Variants in SP3 observed in about 807,000 individuals in gnomAD.
SP3 encodes the protein Sp3 transcription factor, also known as transcription factor Sp3.
SP3 carries 10 observed loss-of-function variants against 70.3 expected under a neutral mutation model. The observed-to-expected ratio is 0.14, with a 90% confidence interval of 0.09 to 0.24. The LOEUF is 0.24. Ranked by LOEUF, SP3 falls within the 10% of genes least tolerant of loss-of-function variation. The pLI is 1.00. For missense variants in SP3, 825 were observed against 914.6 expected, an observed-to-expected ratio of 0.90 and a Z score of 1.26; for synonymous variants, 402 against 333.5, an observed-to-expected ratio of 1.21 and a Z score of -2.24.
chr2:173,963,164 C>A (rs1691140886), intron 3 of SP3: 1 of 148,402 alleles, frequency 6.7e-6, no homozygotes, highest in South Asian at 2.1e-4. Context: ...GTTTCATTTA[C>A]CCCCCTTACA....
intron 3 of SP3, among the ~76,000 whole-genome samples, chr2:173,957,035 A>C (rs182273720): frequency 1.8e-4 from 28 of 152,348 alleles, no homozygotes; most frequent in African/African-American, 6.5e-4. Flanking sequence ...CATAAAAATC[A>C]GTTGAGACAT....
chr2:173,913,680 T>TA (rs1406859556), intron 5 of SP3: 1 of 152,592 alleles, frequency 6.6e-6, no homozygotes, highest in Non-Finnish European at 1.5e-5. Flanking sequence ...AAAATATATT[T>TA]AAACCAAAGA....
intron 3 of SP3, among the ~76,000 whole-genome samples, chr2:173,959,776 A>G (rs2105504248): frequency 6.6e-6 from 1 of 152,360 alleles, no homozygotes; most frequent in East Asian, 1.9e-4. Context: ...ATAAAAATAA[A>G]AAAAATTAAA....
chr2:173,914,712 T>C (rs1689579693), intron 5 of SP3: 1 of 152,110 alleles, frequency 6.6e-6, no homozygotes, highest in South Asian at 2.1e-4. Context: ...CTAACACAAT[T>C]CTAGTTTCTG....
intron 4 of SP3, among the ~76,000 whole-genome samples, chr2:173,944,384 G>T (rs1400744953): frequency 6.6e-6 from 1 of 152,000 alleles, no homozygotes; most frequent in Non-Finnish European, 1.5e-5. Flanking sequence ...AAATACACAA[G>T]ATTAGCCAGG....
In SP3 at chr2:173,905,737, G is replaced by A. The variant is rs754725051; in HGVS notation, c.*4204C>T. Among the ~76,000 whole-genome samples, 3 of 151,810 alleles carry A rather than the reference G, an allele frequency of 2.0e-5. No homozygotes were observed. The highest frequency in any genetic ancestry group is 4.8e-5 in the African/African-American group (2 of 41,328). On this transcript the variant is annotated 3_prime_UTR_variant, in exon 7 of 7. Transcript: ENST00000310015. The stretch of plus-strand genomic sequence containing the variant: ...GATTTGGCCAAGCGTGGTGGCTCAC[G>A]CCTATAATCCCAACACTTTGGGAGG...
intron 3 of SP3, chr2:173,962,949 G>A (rs1478222899): frequency 6.6e-6 from 1 of 152,106 alleles, no homozygotes; most frequent in Non-Finnish European, 1.5e-5. Flanking sequence ...AAACACTACA[G>A]AAAGAATCCC....
intron 4 of SP3, among the ~76,000 whole-genome samples, chr2:173,927,292 T>TA (rs1689943401): frequency 1.3e-5 from 2 of 149,626 alleles, no homozygotes; most frequent in Non-Finnish European, 3.0e-5. Context: ...TTTTTTTTTT[T>TA]AAGACAGGGT....
At chr2:173,960,930 C>G (rs573756373) in intron 3 of SP3, among the ~76,000 whole-genome samples, 1 of 152,190 alleles carries the variant, frequency 6.6e-6, no homozygotes, top group South Asian at 2.1e-4. Flanking sequence ...GAGCCGAGAT[C>G]GCGCCACTGC....
At chr2:173,919,450 G>C (rs1198519804) in intron 4 of SP3, among the ~76,000 whole-genome samples, 1 of 151,990 alleles carries the variant, frequency 6.6e-6, no homozygotes, top group Admixed American at 6.6e-5. Flanking sequence ...CATCTTCCTT[G>C]GTATCTCAGT....
In SP3 at chr2:173,955,648, T is replaced by C; in HGVS notation, c.864A>G (p.Ala288=). Reference sequence around the variant, plus strand: ...TCAAATGTCCGTCGGCATTAATGCCTGCAGTCATTGTCTGAGAACTGCCCG... The same window carrying C: ...TCAAATGTCCGTCGGCATTAATGCCCGCAGTCATTGTCTGAGAACTGCCCG... ...GLSGSSQTMT[A]GINADGHLIN... The change falls in exon 4 of 7, where the codon GCA becomes GCG. Residue 288 remains alanine (A), a synonymous_variant. Coordinates refer to ENST00000310015, the MANE Select transcript of SP3 (RefSeq NM_003111.5). 1 of 1,614,222 alleles carries C rather than the reference T, an allele frequency of 6.2e-7. No homozygotes were observed. Among genetic ancestry groups the C allele is most frequent in the Non-Finnish European group, 8.5e-7 (1 of 1,180,026 alleles).
chr2:173,912,907 G>T (rs73028219), intron 6 of SP3, among the ~76,000 whole-genome samples, 163 bp downstream of exon 6: 5,442 of 152,178 alleles, frequency 0.036, 165 homozygotes, highest in Admixed American at 0.1. Flanking sequence ...TTGTTCTTTG[G>T]AATTTGTGTT....
intron 4 of SP3, among the ~76,000 whole-genome samples, chr2:173,919,143 TCTC>T (rs1383137275): frequency 1.3e-5 from 2 of 152,202 alleles, no homozygotes; most frequent in African/African-American, 4.8e-5. Flanking sequence ...GGAAAAACTT[TCTC>T]CTCTACTTTT....
intron 4 of SP3, among the ~76,000 whole-genome samples, chr2:173,943,795 T>C (rs568352330): frequency 2.0e-5 from 3 of 152,242 alleles, no homozygotes; most frequent in African/African-American, 7.2e-5. Flanking sequence ...TGTCACTTAA[T>C]GACTGGGATA....
At chr2:173,961,283 T>C (rs1574428775) in intron 3 of SP3, among the ~76,000 whole-genome samples, 1 of 152,236 alleles carries the variant, frequency 6.6e-6, no homozygotes, top group Admixed American at 6.5e-5. Flanking sequence ...GATCCTCTTT[T>C]ATGACAAATT....
intron 4 of SP3, among the ~76,000 whole-genome samples, chr2:173,935,850 T>C (rs1214510413): frequency 6.6e-6 from 1 of 150,408 alleles, no homozygotes; most frequent in Non-Finnish European, 1.5e-5. Flanking sequence ...GATATAACTT[T>C]AAAACAACGG....
intron 4 of SP3, among the ~76,000 whole-genome samples, chr2:173,953,065 T>A (rs534329557): frequency 6.6e-6 from 1 of 152,248 alleles, no homozygotes. Flanking sequence ...AATAAAGCTA[T>A]TATTTTTTAA....
rs1689350404 is a variant in SP3 at position 173,907,143 on chromosome 2, A to G, written c.*2798T>C. The G allele has an allele frequency of 6.6e-6, 1 of 152,190 alleles. No individual in the cohort carries two copies. Among genetic ancestry groups the G allele is most frequent in the Non-Finnish European group, 1.5e-5 (1 of 68,008 alleles). The allele number at this position is 152,190 out of a possible 1,614,324, so 9.4% of individuals were successfully genotyped here. On this transcript the variant is annotated 3_prime_UTR_variant, in exon 7 of 7. Coordinates refer to ENST00000310015, the MANE Select transcript of SP3 (RefSeq NM_003111.5). ...TAGAAAATGAGATGCTCTTTAAGTG[A>G]TACTTTCTTAAATTAAAATTTGAGG...
At position 173,910,024 on chromosome 2, in the gene SP3, C is replaced by G; in HGVS notation, c.2263G>C (p.Ala755Pro). ...VSGIGTVNTS[A>P]TSNQDILTNT... ...GTAAGGATATCTTGATTGCTGGTGG[C>G]GGAAGTATTAACAGTTCCTATCCCT... The change falls in exon 7 of 7, where the codon GCC becomes CCC. Residue 755 changes from alanine to proline, a missense_variant. By Grantham distance (27) the Ala-to-Pro change is conservative. Coordinates refer to ENST00000310015, the MANE Select transcript of SP3 (RefSeq NM_003111.5). 1 of 1,613,590 alleles carries G rather than the reference C, an allele frequency of 6.2e-7. No individual in the cohort carries two copies. Among genetic ancestry groups the G allele is most frequent in the Non-Finnish European group, 8.5e-7 (1 of 1,179,780 alleles).
Sources: gnomAD v4.1 joint callset for allele counts (sites outside exome capture counted in the v4.1 genomes callset) on GRCh38, gnomAD v4.1.1 for gene constraint, MANE v1.5 for transcripts, NCBI Gene and HGNC (gene_info 2026-07-23, HGNC 2026-07-21) for gene names.